GTF3C1: variants seen among roughly 807,000 people sequenced by gnomAD.
GTF3C1 encodes general transcription factor IIIC subunit 1, also known as general transcription factor 3C polypeptide 1.
A neutral mutation model predicts 226.7 loss-of-function variants in GTF3C1; 57 were observed. That is an observed-to-expected ratio of 0.25 (90% CI 0.20 to 0.31). GTF3C1 has a LOEUF of 0.31. Among genes scored for constraint, GTF3C1 ranks in the 10% least tolerant of loss-of-function variants. The pLI is 1.00. For synonymous variants in GTF3C1, 1,090 were observed against 1,084.8 expected, an observed-to-expected ratio of 1.00 and a Z score of -0.09; for missense variants, 2,217 against 2,776.1, an observed-to-expected ratio of 0.80 and a Z score of 4.53.
At chr16:27,538,792 G>C (rs58194200) in intron 2 of GTF3C1, among the ~76,000 whole-genome samples, 359 of 152,148 alleles carry the variant, frequency 2.4e-3, no homozygotes, top group African/African-American at 8.3e-3. Context: ...CCTCGGCCTG[G>C]CTGCTTTTCA....
At position 27,507,263 on chromosome 16, in the gene GTF3C1, C is replaced by G. The variant is rs751755587; in HGVS notation, c.1243-107G>C. On this transcript the variant is annotated intron_variant, in intron 8 of 36. Coordinates refer to ENST00000356183, the MANE Select transcript of GTF3C1 (RefSeq NM_001520.4). The surrounding 1 kb of genome is among the most constrained non-coding windows in gnomAD (Gnocchi z 4.9). ...TCCTTATTGGCTTTCTTCTGTTTCT[C>G]CTGTCTTACTGCCTGGGCCCTGGGT... 1.2e-6 allele frequency: 1 copy of G among 852,994 alleles called. No homozygotes were observed. The allele number at this position is 852,994 out of a possible 1,614,324, so 52.8% of individuals were successfully genotyped here.
intron 19 of GTF3C1, among the ~76,000 whole-genome samples, chr16:27,490,094 C>T (rs965495007): frequency 6.6e-6 from 1 of 152,118 alleles, no homozygotes; most frequent in African/African-American, 2.4e-5. Context: ...TGGAAAGCCC[C>T]GGGAGATGCT....
At chr16:27,495,580 T>G in intron 14 of GTF3C1, 88 bp from the exon 15 acceptor site, 1 of 1,241,150 alleles carries the variant, frequency 8.1e-7, no homozygotes, top group South Asian at 1.4e-5. Context: ...AGTGCCACTA[T>G]GTGCCAGGGG....
intron 6 of GTF3C1, among the ~76,000 whole-genome samples, chr16:27,512,814 G>A (rs949284964): frequency 1.3e-5 from 2 of 152,170 alleles, no homozygotes; most frequent in African/African-American, 2.4e-5. Flanking sequence ...AACAACCCTC[G>A]GATGAAGATG....
Position 27,501,224 on chromosome 16 carries a change from C to G in GTF3C1, c.2028G>C (p.Arg676=), listed in dbSNP as rs769377094. The change falls in exon 12 of 37, where the codon CGG becomes CGC. Residue 676 remains arginine (R), a synonymous_variant. Coordinates refer to ENST00000356183, the MANE Select transcript of GTF3C1 (RefSeq NM_001520.4). The part of the protein sequence containing the change: ...LSEEGLLRLY[R]TTVIQDGIKK... ...TGATGCCATCTTGAATGACAGTGGTCCGATACAATCGCAAGAGACCTTCCT... is the reference window on the plus strand; with the variant it reads ...TGATGCCATCTTGAATGACAGTGGTGCGATACAATCGCAAGAGACCTTCCT... 2 of 1,614,026 alleles carry G rather than the reference C, an allele frequency of 1.2e-6. No individual in the cohort carries two copies. The highest frequency in any genetic ancestry group is 2.2e-5 in the South Asian group (2 of 91,072).
chr16:27,492,997 TACTTTA>T lies in GTF3C1; in HGVS notation c.2876+196_2876+201del, dbSNP rs2088256289. On this transcript the variant is annotated intron_variant, in intron 17 of 36. Coordinates refer to ENST00000356183, the MANE Select transcript of GTF3C1 (RefSeq NM_001520.4). This position sits in a 1 kb window ranked among gnomAD's most constrained non-coding sequence, Gnocchi z 5.0. ...ACTTGCAGACACTAGCAGCAGATTT[TACTTTA>T]AAAGAACCTTCAAATCAAGTAATAA... 6.6e-6 allele frequency among the ~76,000 whole-genome samples: 1 copy of T among 152,246 alleles called. No homozygotes were observed. Among genetic ancestry groups the T allele is most frequent in the South Asian group, 2.1e-4 (1 of 4,834 alleles).
chr16:27,538,334 C>T lies in GTF3C1; in HGVS notation c.454G>A (p.Val152Ile), dbSNP rs200800420. 83 of 1,556,546 alleles carry T rather than the reference C, an allele frequency of 5.3e-5. No homozygotes were observed. Among genetic ancestry groups the T allele is most frequent in the Non-Finnish European group, 2.4e-5 (28 of 1,153,918 alleles). Residue 152 changes from valine to isoleucine, a missense_variant, in exon 3 of 37, where the codon GTT becomes ATT. Val to Ile is a conservative substitution (Grantham distance 29, BLOSUM62 3). Coordinates refer to ENST00000356183, the MANE Select transcript of GTF3C1 (RefSeq NM_001520.4). Reference protein sequence around the residue: ...FDRWGKKLIIVASQAMRYRAL... With the variant: ...FDRWGKKLIIIASQAMRYRAL... ...CTGTACCGCATGGCCTGGGAGGCAACGATGATCAGTTTCTTCCCCCACCTG... is the reference window on the plus strand; with the variant it reads ...CTGTACCGCATGGCCTGGGAGGCAATGATGATCAGTTTCTTCCCCCACCTG...
At chr16:27,468,987 G>A (rs1434328329) in intron 32 of GTF3C1, among the ~76,000 whole-genome samples, 1 of 152,334 alleles carries the variant, frequency 6.6e-6, no homozygotes, top group Middle Eastern at 3.4e-3. Context: ...TGGGCGGGGT[G>A]GGGAAGCGGA....
intron 21 of GTF3C1, 75 bp from the exon 22 acceptor site, chr16:27,488,710 C>T: frequency 7.9e-7 from 1 of 1,272,372 alleles, no homozygotes; most frequent in African/African-American, 1.5e-5. Context: ...AACAAATGCA[C>T]CGAGGTCTCT....
Position 27,489,149 on chromosome 16 carries a change from A to T in GTF3C1, c.3323T>A (p.Leu1108Ter), listed in dbSNP as rs2088192012. The T allele has an allele frequency of 6.2e-7, 1 of 1,614,068 alleles. No individual in the cohort carries two copies. Reference protein sequence around the residue: ...TGSREVVDEGLIPGDGLGAAG... With the variant: ...TGSREVVDEG ...GGCACCCAGCCCATCTCCAGGGATCAAGCCTTCATCCACCACCTCACGGCT... is the reference window on the plus strand; with the variant it reads ...GGCACCCAGCCCATCTCCAGGGATCTAGCCTTCATCCACCACCTCACGGCT... Residue 1108 changes from leucine to a stop codon, truncating the protein, a stop_gained, in exon 21 of 37, where the codon TTG (leucine) becomes TAG (stop). Transcript: ENST00000356183. LOFTEE classifies it high-confidence loss of function.
intron 13 of GTF3C1, 25 bp downstream of exon 13, chr16:27,498,605 G>A (rs749407974): frequency 5.8e-6 from 7 of 1,209,274 alleles, no homozygotes; most frequent in Non-Finnish European, 7.4e-6. Context: ...CTTGCTATGG[G>A]TTCTTCCCGG....
intron 23 of GTF3C1, 31 bp from the exon 24 acceptor site, chr16:27,486,185 C>T (rs779503752): frequency 2.1e-6 from 3 of 1,420,126 alleles, no homozygotes; most frequent in African/African-American, 1.4e-5. Flanking sequence ...AGGCAGGAGA[C>T]CTCTAACACC....
intron 14 of GTF3C1, among the ~76,000 whole-genome samples, chr16:27,496,540 G>T (rs1481230038): frequency 6.6e-6 from 1 of 152,162 alleles, no homozygotes; most frequent in African/African-American, 2.4e-5. Flanking sequence ...AGCCTCCCAA[G>T]TGGCTGGGAC....
In GTF3C1 at chr16:27,469,248, T is replaced by C. The variant is rs1473213476; in HGVS notation, c.5074+43A>G. The C allele has an allele frequency of 1.3e-6, 2 of 1,516,946 alleles. No individual in the cohort carries two copies. Among genetic ancestry groups the C allele is most frequent in the Non-Finnish European group, 8.9e-7 (1 of 1,125,608 alleles). 94.0% of individuals were successfully genotyped at this position (1,516,946 alleles called of 1,614,324 possible). ...CAGGCCTCAGGGTCTTCCTGGATGA[T>C]GGCGAGGCCAGGCCCTCCCACAGCA... On this transcript the variant is annotated intron_variant, in intron 32 of 36. Coordinates refer to ENST00000356183, the MANE Select transcript of GTF3C1 (RefSeq NM_001520.4). This position sits in a 1 kb window ranked among gnomAD's most constrained non-coding sequence, Gnocchi z 4.5.
intron 29 of GTF3C1, among the ~76,000 whole-genome samples, chr16:27,474,475 CT>C (rs1302193907): frequency 1.3e-5 from 2 of 152,196 alleles, no homozygotes; most frequent in Non-Finnish European, 2.9e-5. Flanking sequence ...CCAAAGTCCC[CT>C]CCAGCTCTGA....
chr16:27,496,139 T>C (rs2088313015), intron 14 of GTF3C1, among the ~76,000 whole-genome samples: 1 of 152,154 alleles, frequency 6.6e-6, no homozygotes. Flanking sequence ...GCTCCTGCTT[T>C]TGCCAGGTGA....
At chr16:27,542,884 C>G (rs1289908101) in intron 2 of GTF3C1, among the ~76,000 whole-genome samples, 10 of 152,228 alleles carry the variant, frequency 6.6e-5, no homozygotes, top group Non-Finnish European at 1.5e-5. Context: ...GCACTGTGAA[C>G]TAAATAAGCC....
chr16:27,504,530 T>G (rs1213350347), intron 10 of GTF3C1, among the ~76,000 whole-genome samples: 3 of 152,134 alleles, frequency 2.0e-5, no homozygotes. Context: ...AGAAGCGGCG[T>G]AGGGTAGGGA....
At chr16:27,524,452 AG>A (rs2088799757) in intron 6 of GTF3C1, among the ~76,000 whole-genome samples, 1 of 152,232 alleles carries the variant, frequency 6.6e-6, no homozygotes, top group Non-Finnish European at 1.5e-5. Context: ...TACCCTGGAA[AG>A]TGGGTACTAT....
Sources: gnomAD v4.1 joint callset for allele counts (sites outside exome capture counted in the v4.1 genomes callset) on GRCh38, gnomAD v4.1.1 for gene constraint, Gnocchi (gnomAD v3.1) non-coding constraint, MANE v1.5 for transcripts, NCBI Gene and HGNC (gene_info 2026-07-23, HGNC 2026-07-21) for gene names.